Variants in ANO3 observed in about 807,000 individuals in gnomAD.
The protein encoded by ANO3 is anoctamin 3, also known as anoctamin-3.
Under a neutral mutation model 144.8 loss-of-function variants are expected in ANO3, and 99 were observed. The ratio of observed to expected loss-of-function variants is 0.68; its 90% CI spans 0.58 to 0.81. The LOEUF (loss-of-function observed/expected upper bound fraction) is 0.81. ANO3 is among the 30% of genes least tolerant of loss of function. The pLI, the probability that ANO3 is intolerant of heterozygous loss-of-function variation, is 0.00. For synonymous variants in ANO3, 414 were observed against 392.6 expected (o/e 1.05, Z -0.64); for missense variants, 905 against 1,202.2 (o/e 0.75, Z 3.66).
At position 26,532,407 on chromosome 11, in the gene ANO3, T is replaced by C. The variant is rs530222930; in HGVS notation, c.869+1071T>C. ...ACACCAAATGAAAAACATTCTACTC[T>C]TTTTTTTTAAACCCTGAAACCAGAG... On this transcript the variant is annotated intron_variant, in intron 8 of 26. Coordinates refer to ENST00000256737, the MANE Select transcript of ANO3 (RefSeq NM_031418.4). 4.6e-5 allele frequency among the ~76,000 whole-genome samples: 7 copies of C among 151,258 alleles called. 1 individual carries two copies. The South Asian group carries it at 1.3e-3, about 27-fold the overall frequency.
At chr11:26,301,188 A>C (rs11029505) in intron 1 of ANO3, among the ~76,000 whole-genome samples, 5,531 of 147,294 alleles carry the variant, frequency 0.038, 380 homozygotes, top group African/African-American at 0.095. Context: ...TAATGTATTT[A>C]ATAAACTATG....
At chr11:26,201,884 G>A (rs1851700809) in intron 1 of ANO3, among the ~76,000 whole-genome samples, 1 of 151,338 alleles carries the variant, frequency 6.6e-6, no homozygotes, top group Non-Finnish European at 1.5e-5. Context: ...CTGAGAGCCT[G>A]CCAGTTCTGA....
At chr11:26,578,222 C>T (rs912203404) in intron 14 of ANO3, among the ~76,000 whole-genome samples, 3 of 152,060 alleles carry the variant, frequency 2.0e-5, no homozygotes, top group Admixed American at 1.3e-4. Context: ...TAAGTGTCTC[C>T]AGGAGACAGA....
intron 1 of ANO3, among the ~76,000 whole-genome samples, chr11:26,194,096 G>C (rs760808055): frequency 6.6e-6 from 1 of 152,022 alleles, no homozygotes; most frequent in Non-Finnish European, 1.5e-5. Flanking sequence ...CTAATATCTA[G>C]CATATGCTAA....
chr11:26,615,377 T>A (rs1414343055), intron 17 of ANO3, among the ~76,000 whole-genome samples: 1 of 146,380 alleles, frequency 6.8e-6, no homozygotes, highest in Non-Finnish European at 1.5e-5. Flanking sequence ...CGCAATACTG[T>A]CTAAGCTTCT....
At chr11:26,444,859 A>C (rs1230662289) in intron 3 of ANO3, among the ~76,000 whole-genome samples, 1 of 152,220 alleles carries the variant, frequency 6.6e-6, no homozygotes, top group Non-Finnish European at 1.5e-5. Context: ...GCACAGAAAC[A>C]GTGCTGGCTT....
At chr11:26,615,414 A>ATATATATATATATATATATATATTTT (rs1352935016) in intron 17 of ANO3, among the ~76,000 whole-genome samples, 1 of 130,700 alleles carries the variant, frequency 7.7e-6, no homozygotes, top group Non-Finnish European at 1.6e-5. Context: ...ATATATATAT[A>ATATATATATATATATATATATATTTT]TTTTTTTTTT....
intron 14 of ANO3, among the ~76,000 whole-genome samples, chr11:26,582,139 T>C (rs534190701): frequency 5.9e-5 from 9 of 152,350 alleles, no homozygotes; most frequent in African/African-American, 1.7e-4. Context: ...AGAACATCCC[T>C]ACTCTAATCC....
rs1379323212 is a variant in ANO3 at position 26,598,999 on chromosome 11, G to A, written c.1671+1G>A. ...TTCTGTCTCAGGAATATTCTTCATG[G>A]TAAAGTATAGGCATCGATATCAAAA... On this transcript the variant is annotated splice_donor_variant, in intron 16 of 26. Coordinates refer to ENST00000256737, the MANE Select transcript of ANO3 (RefSeq NM_031418.4). LOFTEE classifies it high-confidence loss of function. The A allele has an allele frequency of 6.2e-7, 1 of 1,613,604 alleles. No homozygotes were observed. The highest frequency in any genetic ancestry group is 8.5e-7 in the Non-Finnish European group (1 of 1,179,824).
chr11:26,373,048 T>G (rs142616095), intron 1 of ANO3, among the ~76,000 whole-genome samples: 149 of 152,292 alleles, frequency 9.8e-4, no homozygotes, highest in African/African-American at 3.1e-3. Context: ...TGTTCATTAT[T>G]CCAAGTGAAG....
Position 26,647,791 on chromosome 11 carries a change from C to A in ANO3, c.2511C>A (p.Tyr837Ter), listed in dbSNP as rs775363813. The A allele has an allele frequency of 6.2e-7, 1 of 1,613,416 alleles. No homozygotes were observed. Among genetic ancestry groups the A allele is most frequent in the Non-Finnish European group, 8.5e-7 (1 of 1,179,550 alleles). ...NAFVIAITSD[Y>*]IPRFVYEYKY... ...TTGTAATTGCTATTACTTCTGATTA[C>A]ATCCCACGTTTTGTTTATGAATACA... The change falls in exon 24 of 27, where the codon TAC becomes TAA. Residue 837 changes from tyrosine (Y) to a stop codon, truncating the protein, a stop_gained. Transcript: ENST00000256737. LOFTEE classifies it high-confidence loss of function.
chr11:26,383,391 A>G (rs1856638739), intron 1 of ANO3, among the ~76,000 whole-genome samples: 1 of 152,100 alleles, frequency 6.6e-6, no homozygotes. Context: ...ATTTTCTGTC[A>G]TGTTTAGCTG....
intron 1 of ANO3, among the ~76,000 whole-genome samples, chr11:26,236,290 A>G (rs767446066): frequency 3.3e-5 from 5 of 152,200 alleles, no homozygotes; most frequent in Admixed American, 2.0e-4. Context: ...AAATGAAAAT[A>G]TTAATACATA....
intron 1 of ANO3, among the ~76,000 whole-genome samples, chr11:26,395,673 T>C (rs1471826984): frequency 6.6e-6 from 1 of 152,088 alleles, no homozygotes; most frequent in Non-Finnish European, 1.5e-5. Context: ...TTGACAAACC[T>C]GACAAAAACA....
chr11:26,469,386 C>T (rs1351303552), intron 4 of ANO3, among the ~76,000 whole-genome samples: 1 of 151,784 alleles, frequency 6.6e-6, no homozygotes, highest in African/African-American at 2.4e-5. Context: ...TAGCATTTCA[C>T]ATCAGGAAAT....
At chr11:26,361,773 G>C (rs1289939793) in intron 1 of ANO3, among the ~76,000 whole-genome samples, 1 of 152,014 alleles carries the variant, frequency 6.6e-6, no homozygotes, top group Non-Finnish European at 1.5e-5. Flanking sequence ...GTTTCTTTTT[G>C]CAACAAACTC....
rs531438490 is a variant in ANO3 at position 26,417,435 on chromosome 11, G to A, written c.47-24483G>A. ...TGTTGAGTAAAAGTGACACAGGCAA[G>A]CTCCAAAATTGGGGCTTGGCCTGGG... On this transcript the variant is annotated intron_variant, in intron 1 of 26. Transcript: ENST00000256737. Among the ~76,000 whole-genome samples the A allele has an allele frequency of 4.9e-4, 75 of 152,160 alleles. 1 individual carries two copies. The South Asian group carries it at 0.015, about 31-fold the overall frequency.
chr11:26,548,259 A>T (rs1180105815), intron 12 of ANO3, among the ~76,000 whole-genome samples: 2 of 151,988 alleles, frequency 1.3e-5, no homozygotes, highest in African/African-American at 4.8e-5. Context: ...TTAAAGTTGA[A>T]GTGACTTGAG....
chr11:26,266,308 T>C (rs181905630), intron 1 of ANO3, among the ~76,000 whole-genome samples: 70 of 152,300 alleles, frequency 4.6e-4, no homozygotes, highest in African/African-American at 1.6e-3. Flanking sequence ...AATTAGAATA[T>C]ATTCAATAAT....
Sources: allele counts gnomAD v4.1 joint callset (sites outside exome capture counted in the v4.1 genomes callset), GRCh38; gene constraint gnomAD v4.1.1; transcripts MANE v1.5; gene names NCBI Gene and HGNC (gene_info 2026-07-23, HGNC 2026-07-21).